VEZT: variants seen among roughly 807,000 people sequenced by gnomAD.
VEZT encodes the protein vezatin.
VEZT carries 39 observed loss-of-function variants against 79.9 expected under a neutral mutation model. The ratio of observed to expected loss-of-function variants is 0.49; its 90% confidence interval spans 0.38 to 0.64. The LOEUF (loss-of-function observed/expected upper bound fraction) is 0.64, where lower values mean the gene tolerates loss of function less well. Ranked by LOEUF, VEZT falls within the 30% of genes least tolerant of loss-of-function variation. The pLI is 0.00. For missense variants in VEZT, 837 were observed against 893.1 expected, an observed-to-expected ratio of 0.94 and a Z score of 0.80; for synonymous variants, 325 against 327.6, an observed-to-expected ratio of 0.99 and a Z score of 0.09.
At chr12:95,245,616 A>G (rs940777469) in intron 1 of VEZT, 10 of 455,758 alleles carry the variant, frequency 2.2e-5, no homozygotes, top group African/African-American at 2.0e-4. Flanking sequence ...TCTCTGGCCC[A>G]AGACCTGAAA....
intron 7 of VEZT, among the ~76,000 whole-genome samples, chr12:95,278,227 G>A (rs1038157357): frequency 1.3e-5 from 2 of 152,196 alleles, no homozygotes; most frequent in Non-Finnish European, 2.9e-5. Context: ...TATCTGATAT[G>A]GCCTGCTCTG....
intron 10 of VEZT, among the ~76,000 whole-genome samples, chr12:95,295,619 G>T (rs2073969929): frequency 6.6e-6 from 1 of 152,166 alleles, no homozygotes; most frequent in Non-Finnish European, 1.5e-5. Flanking sequence ...GAACCATAAG[G>T]TGGGGTGTTC....
chr12:95,257,285 T>A, intron 3 of VEZT, 46 bp downstream of exon 3: 1 of 1,397,856 alleles, frequency 7.2e-7, no homozygotes, highest in Non-Finnish European at 9.8e-7. Context: ...TCTAGGTTAT[T>A]AGTGAAATAA....
At chr12:95,296,587 A>G (rs531017673) in intron 11 of VEZT, 1 of 169,084 alleles carries the variant, frequency 5.9e-6, no homozygotes, top group Non-Finnish European at 1.3e-5. Flanking sequence ...TCTGTTGTCC[A>G]TATGTTAAAA....
intron 7 of VEZT, among the ~76,000 whole-genome samples, chr12:95,277,773 CAT>C (rs1172025767): frequency 1.3e-5 from 2 of 152,180 alleles, no homozygotes; most frequent in African/African-American, 4.8e-5. Flanking sequence ...AATGAGAAGA[CAT>C]ATTAAATACC....
rs1204598700 is a variant in VEZT at position 95,300,702 on chromosome 12, G to C, written c.*29G>C. On this transcript the variant is annotated 3_prime_UTR_variant, in exon 12 of 12. Transcript: ENST00000436874. ...CCAAGATTCATATGAAGTGATATTA[G>C]ATTGTTCCTTTTACAAAAGTGTTTA... 6.5e-7 allele frequency: 1 copy of C among 1,526,872 alleles called. No homozygotes were observed. The highest frequency in any genetic ancestry group is 8.8e-7 in the Non-Finnish European group (1 of 1,141,330). 94.6% of individuals were successfully genotyped at this position (1,526,872 alleles called of 1,614,324 possible).
At chr12:95,241,059 G>A (rs974172768) in intron 1 of VEZT, among the ~76,000 whole-genome samples, 4 of 152,052 alleles carry the variant, frequency 2.6e-5, no homozygotes, top group East Asian at 3.9e-4. Context: ...TTTTTAAGAC[G>A]GAGTCTTGCT....
At chr12:95,249,388 G>A (rs535448030) in intron 1 of VEZT, among the ~76,000 whole-genome samples, 2 of 152,260 alleles carry the variant, frequency 1.3e-5, no homozygotes, top group East Asian at 1.9e-4. Context: ...GCAGGGTGGG[G>A]TTCACAGTTC....
chr12:95,219,777 A>G (rs927916688), intron 1 of VEZT, among the ~76,000 whole-genome samples: 2 of 152,270 alleles, frequency 1.3e-5, no homozygotes, highest in Admixed American at 6.5e-5. Flanking sequence ...GGTTTCACCA[A>G]ATCCTCAACA....
chr12:95,221,441 T>G (rs1374051007), intron 1 of VEZT, among the ~76,000 whole-genome samples: 2 of 151,936 alleles, frequency 1.3e-5, no homozygotes, highest in African/African-American at 4.8e-5. Flanking sequence ...GGCATGCACC[T>G]GTAGTCCCAG....
intron 1 of VEZT, among the ~76,000 whole-genome samples, chr12:95,247,353 A>C (rs190467931): frequency 6.6e-6 from 1 of 152,320 alleles, no homozygotes; most frequent in East Asian, 1.9e-4. Context: ...TTCACCCAAA[A>C]CAATACATTG....
chr12:95,292,015 G>A (rs2072973374), intron 9 of VEZT, among the ~76,000 whole-genome samples: 1 of 152,124 alleles, frequency 6.6e-6, no homozygotes, highest in East Asian at 1.9e-4. Flanking sequence ...GGCCAGGCTG[G>A]TCTCCAACTC....
chr12:95,282,676 C>T (rs371200127), intron 8 of VEZT, 32 bp downstream of exon 8: 15 of 1,519,886 alleles, frequency 9.9e-6, no homozygotes, highest in South Asian at 3.8e-5. Flanking sequence ...AGAAAGGTCT[C>T]GGTAATTAGC....
intron 8 of VEZT, 117 bp from the exon 9 acceptor site, chr12:95,287,547 C>A: frequency 1.0e-6 from 1 of 952,670 alleles, no homozygotes; most frequent in Non-Finnish European, 1.5e-6. Context: ...AAGCCATTCA[C>A]CTGCCTTGGC....
intron 1 of VEZT, among the ~76,000 whole-genome samples, chr12:95,223,979 C>G (rs1329643025): frequency 5.3e-5 from 8 of 152,062 alleles, no homozygotes; most frequent in Admixed American, 5.2e-4. Context: ...TCAGTTGTAT[C>G]ACGAAAGTTT....
chr12:95,254,830 T>C (rs2063212450), intron 2 of VEZT, among the ~76,000 whole-genome samples: 1 of 152,196 alleles, frequency 6.6e-6, no homozygotes, highest in Non-Finnish European at 1.5e-5. Flanking sequence ...CATTAATTGC[T>C]CTCTCTTTTT....
chr12:95,236,830 A>C (rs2060264603), intron 1 of VEZT, among the ~76,000 whole-genome samples: 1 of 152,092 alleles, frequency 6.6e-6, no homozygotes, highest in Non-Finnish European at 1.5e-5. Flanking sequence ...TGAGTGATCC[A>C]TCCATGTTGG....
chr12:95,219,262 T>C lies in VEZT; in HGVS notation c.36+1376T>C, dbSNP rs569442025. Among the ~76,000 whole-genome samples, 4 of 152,326 alleles carry C rather than the reference T, an allele frequency of 2.6e-5. No individual in the cohort carries two copies. In the East Asian group the frequency reaches 7.7e-4, roughly 29 times the overall value. On this transcript the variant is annotated intron_variant, in intron 1 of 11. Transcript: ENST00000436874. ...TTGATTTCTGAATATAATAGTAATA[T>C]ATGCTCAAGGAACATTTTATTGTAG...
chr12:95,257,275 T>G, intron 3 of VEZT, 36 bp downstream of exon 3: 2 of 1,465,904 alleles, frequency 1.4e-6, no homozygotes, highest in Non-Finnish European at 1.9e-6. Flanking sequence ...TTTTCAGGGT[T>G]CTAGGTTATT....
Sources: gnomAD v4.1 joint callset for allele counts (sites outside exome capture counted in the v4.1 genomes callset) on GRCh38, gnomAD v4.1.1 for gene constraint, MANE v1.5 for transcripts, NCBI Gene and HGNC (gene_info 2026-07-23, HGNC 2026-07-21) for gene names.